The following ZMYND11 variants were observed in gnomAD, a reference collection of about 807,000 sequenced individuals.
ZMYND11 encodes zinc finger MYND-type containing 11.
ZMYND11 carries 9 observed loss-of-function variants against 84.9 expected under a neutral mutation model. The ratio of observed to expected loss-of-function variants is 0.11; its 90% CI spans 0.06 to 0.18. The LOEUF (loss-of-function observed/expected upper bound fraction) is 0.18, where lower values mean the gene tolerates loss of function less well. Among genes scored for constraint, ZMYND11 ranks in the 10% least tolerant of loss-of-function variants. The pLI is 1.00. For synonymous variants in ZMYND11, 250 were observed against 244.1 expected, an observed-to-expected ratio of 1.02 and a Z score of -0.23; for missense variants, 409 against 761.0, an observed-to-expected ratio of 0.54 and a Z score of 5.44.
intron 1 of ZMYND11, among the ~76,000 whole-genome samples, chr10:137,586 T>C (rs1013470520): frequency 6.6e-6 from 1 of 152,192 alleles, no homozygotes; most frequent in Non-Finnish European, 1.5e-5. Flanking sequence ...TTGGATGTTA[T>C]CAGGGAGATA....
At chr10:173,408 A>G (rs1424373185) in intron 1 of ZMYND11, among the ~76,000 whole-genome samples, 1 of 152,250 alleles carries the variant, frequency 6.6e-6, no homozygotes, top group Non-Finnish European at 1.5e-5. Flanking sequence ...ACCATCAAGC[A>G]AAACATACAA....
Position 135,775 on chromosome 10 carries a change from C to T in ZMYND11, c.-20+216C>T, listed in dbSNP as rs1247243640. ...GGGCCGGCGGGGCCTGCGAGGGCGG[C>T]GGCGGGGCCTGCGGAGGCTGCCGGC... is the stretch of plus-strand genomic sequence containing the variant. On this transcript the variant is annotated intron_variant, in intron 1 of 14. Coordinates refer to ENST00000381604, the MANE Select transcript of ZMYND11 (RefSeq NM_001370100.5). The surrounding 1 kb of genome is among the most constrained non-coding windows in gnomAD (Gnocchi z 5.6). Among the ~76,000 whole-genome samples the T allele has an allele frequency of 2.7e-5, 4 of 146,786 alleles. No homozygotes were observed. In the East Asian group the frequency reaches 8.0e-4, roughly 29 times the overall value.
Position 239,539 on chromosome 10 carries a change from G to GTTTTT in ZMYND11, c.697+18_697+22dup. On this transcript the variant is annotated intron_variant, in intron 7 of 14. Coordinates refer to ENST00000381604, the MANE Select transcript of ZMYND11 (RefSeq NM_001370100.5). ...TTTTCTATGGAGGTTGAATATTTTT[G>GTTTTT]TTTTTTTTGTATGCATTTTTAAACA... 2 of 1,472,764 alleles carry GTTTTT rather than the reference G, an allele frequency of 1.4e-6. No homozygotes were observed. The highest frequency in any genetic ancestry group is 1.9e-6 in the Non-Finnish European group (2 of 1,077,134). 91.2% of individuals were successfully genotyped at this position (1,472,764 alleles called of 1,614,324 possible).
At chr10:146,811 T>C (rs1838979016) in intron 1 of ZMYND11, among the ~76,000 whole-genome samples, 1 of 152,208 alleles carries the variant, frequency 6.6e-6, no homozygotes, top group South Asian at 2.1e-4. Context: ...GCTGTTCTCA[T>C]CATAGTGAAT....
At chr10:136,792 T>C (rs1163362230) in intron 1 of ZMYND11, among the ~76,000 whole-genome samples, 1 of 152,114 alleles carries the variant, frequency 6.6e-6, no homozygotes, top group Non-Finnish European at 1.5e-5. Flanking sequence ...GTGTACATAG[T>C]ATCCTTTCAC....
intron 2 of ZMYND11, among the ~76,000 whole-genome samples, chr10:191,775 T>C (rs567863262): frequency 6.6e-6 from 1 of 152,340 alleles, no homozygotes; most frequent in South Asian, 2.1e-4. Flanking sequence ...TCATTTTGAT[T>C]TTTTTTCCCA....
At chr10:188,933 A>G (rs1939543357) in intron 2 of ZMYND11, among the ~76,000 whole-genome samples, 1 of 152,204 alleles carries the variant, frequency 6.6e-6, no homozygotes, top group Admixed American at 6.5e-5. Context: ...CAATTGAAGT[A>G]TTGGACCTAT....
At chr10:217,201 C>CT (rs1946326675) in intron 3 of ZMYND11, among the ~76,000 whole-genome samples, 1 of 152,170 alleles carries the variant, frequency 6.6e-6, no homozygotes, top group African/African-American at 2.4e-5. Context: ...GGTTTGGTCT[C>CT]TAAGTCAGAG....
At chr10:195,029 T>C (rs917099519) in intron 2 of ZMYND11, among the ~76,000 whole-genome samples, 2 of 152,232 alleles carry the variant, frequency 1.3e-5, no homozygotes, top group African/African-American at 4.8e-5. Flanking sequence ...AGAGAAGATC[T>C]TAAGTGTTGC....
intron 1 of ZMYND11, among the ~76,000 whole-genome samples, chr10:141,520 T>G (rs1837499094): frequency 6.6e-6 from 1 of 152,220 alleles, no homozygotes; most frequent in Admixed American, 6.5e-5. Flanking sequence ...CGTATTTGTG[T>G]TAAGATTACT....
chr10:173,595 T>C (rs1329515017), intron 1 of ZMYND11, among the ~76,000 whole-genome samples: 1 of 152,066 alleles, frequency 6.6e-6, no homozygotes, highest in Non-Finnish European at 1.5e-5. Flanking sequence ...TGGTGGTGCA[T>C]GCCTGTAGTC....
At position 248,342 on chromosome 10, in the gene ZMYND11, G is replaced by C; in HGVS notation, c.1234G>C (p.Glu412Gln). 1 of 1,612,938 alleles carries C rather than the reference G, an allele frequency of 6.2e-7. No homozygotes were observed. The highest frequency in any genetic ancestry group is 1.1e-5 in the South Asian group (1 of 91,032). Reference protein sequence around the residue: ...QSVEPKKEEPEPETEAVSSSQ... With the variant: ...QSVEPKKEEPQPETEAVSSSQ... ...CTCTTGTCTCACCTTTTAGGAACCA[G>C]AGCCTGAAACAGAAGCAGTAAGTTC... Residue 412 changes from glutamate (E) to glutamine (Q), a missense_variant, in exon 13 of 15, where the codon GAG (glutamate) becomes CAG (glutamine). Around this residue, in one of 7 missense-constraint regions of ZMYND11, gnomAD observed 19 missense variants for 60.5 expected, o/e 0.31. Coordinates refer to ENST00000381604, the MANE Select transcript of ZMYND11 (RefSeq NM_001370100.5).
chr10:220,786 G>A (rs1211261061), intron 3 of ZMYND11, among the ~76,000 whole-genome samples: 1 of 150,578 alleles, frequency 6.6e-6, no homozygotes, highest in Non-Finnish European at 1.5e-5. Flanking sequence ...GTCAAGGACT[G>A]TTATATATAT....
chr10:191,607 TATTGCTCTTTGTTCCATGCAATTTTGAA>T (rs1188091736), intron 2 of ZMYND11, among the ~76,000 whole-genome samples: 1 of 152,260 alleles, frequency 6.6e-6, no homozygotes, highest in East Asian at 1.9e-4. Flanking sequence ...TTTTGAAGTG[TATTGCTCTTTGTTCCATGCAATTTTGAA>T]ATATTTGTTT....
intron 3 of ZMYND11, among the ~76,000 whole-genome samples, chr10:220,659 C>G (rs1259356754): frequency 6.6e-6 from 1 of 152,168 alleles, no homozygotes; most frequent in Non-Finnish European, 1.5e-5. Flanking sequence ...GACATCCTAT[C>G]AGAACATGGA....
intron 1 of ZMYND11, among the ~76,000 whole-genome samples, chr10:149,531 C>T (rs377306255): frequency 4.4e-4 from 67 of 151,926 alleles, no homozygotes; most frequent in African/African-American, 1.4e-3. Flanking sequence ...AGGATGGTCT[C>T]GATCTCCTGA....
At chr10:133,045 A>C (rs1835357406), upstream of ZMYND11, among the ~76,000 whole-genome samples, 1 of 152,240 alleles carries the variant, frequency 6.6e-6, no homozygotes, top group Non-Finnish European at 1.5e-5. Flanking sequence ...CCAGACCCAC[A>C]CACACACATT....
At chr10:131,235 A>C (rs1835306325), upstream of ZMYND11, among the ~76,000 whole-genome samples, 1 of 152,218 alleles carries the variant, frequency 6.6e-6, no homozygotes, top group African/African-American at 2.4e-5. Context: ...GTTGCCCTTG[A>C]AAAGACAGGA....
At chr10:148,525 C>T (rs929281852) in intron 1 of ZMYND11, 1 of 152,304 alleles carries the variant, frequency 6.6e-6, no homozygotes, top group African/African-American at 2.4e-5. Flanking sequence ...TGCATTCACT[C>T]CTTAGTAATT....
Sources: gnomAD v4.1 joint callset for allele counts (sites outside exome capture counted in the v4.1 genomes callset) on GRCh38, gnomAD v4.1.1 for gene constraint, gnomAD v4.1.1 regional missense constraint, Gnocchi (gnomAD v3.1) non-coding constraint, MANE v1.5 for transcripts, NCBI Gene and HGNC (gene_info 2026-07-23, HGNC 2026-07-21) for gene names.